ASPM: variants seen among roughly 807,000 people sequenced by gnomAD.
ASPM encodes abnormal spindle-like microcephaly-associated protein.
A neutral mutation model predicts 366.4 loss-of-function variants in ASPM; 256 were observed. That is an observed-to-expected ratio of 0.70 (90% CI 0.63 to 0.77). The LOEUF (loss-of-function observed/expected upper bound fraction) is 0.77, where lower values mean the gene tolerates loss of function less well. Ranked by LOEUF, ASPM falls within the 30% of genes least tolerant of loss-of-function variation. ASPM has a pLI of 0.00. For synonymous variants in ASPM, 1,414 were observed against 1,342.9 expected (o/e 1.05, Z -1.16); for missense variants, 4,146 against 4,090.4 (o/e 1.01, Z -0.37).
chr1:197,139,078 C>A, intron 4 of ASPM: 1 of 749,134 alleles, frequency 1.3e-6, no homozygotes, highest in Non-Finnish European at 2.4e-6. Flanking sequence ...ATCTGTAAAG[C>A]CCATTTTCTG....
chr1:197,134,747 G>T (rs1658366471), intron 5 of ASPM, among the ~76,000 whole-genome samples: 1 of 152,170 alleles, frequency 6.6e-6, no homozygotes, highest in Admixed American at 6.6e-5. Flanking sequence ...ATATGAATTG[G>T]TGTTTAGTTT....
rs1188227405 is a variant in ASPM, at chr1:197,128,553, A to G, written c.2873T>C (p.Phe958Ser). Reference protein sequence around the residue: ...GLPVNHVQTPFDEFDFAVTNL... With the variant: ...GLPVNHVQTPSDEFDFAVTNL... ...TGTAACGGCAAAATCAAATTCATCA[A>G]ATGGTGTCTGAACATGGTTAACAGG... The change falls in exon 10 of 28, where the codon TTT becomes TCT. Residue 958 changes from phenylalanine to serine, a missense_variant. Physicochemically the swap from Phe to Ser is radical, Grantham distance 155. Coordinates refer to ENST00000367409, the MANE Select transcript of ASPM (RefSeq NM_018136.5). 2 of 1,613,792 alleles carry G rather than the reference A, an allele frequency of 1.2e-6. No homozygotes were observed. Among genetic ancestry groups the G allele is most frequent in the East Asian group, 2.2e-5 (1 of 44,884 alleles).
rs2125087995 is a variant in ASPM at position 197,090,179 on chromosome 1, T to C, written c.9829+17A>G. On this transcript the variant is annotated intron_variant, in intron 24 of 27. Transcript: ENST00000367409. ...GTAGTATTACATCATTCTTTAAACA[T>C]GTTAACACAAACTAACCTAGGTGTT... The C allele has an allele frequency of 6.2e-7, 1 of 1,613,000 alleles. No individual in the cohort carries two copies. Among genetic ancestry groups the C allele is most frequent in the Non-Finnish European group, 8.5e-7 (1 of 1,179,254 alleles).
rs148338547 is a variant in ASPM at position 197,143,540 on chromosome 1, G to A, written c.712C>T (p.Pro238Ser). Residue 238 changes from proline to serine, a missense_variant, in exon 3 of 28, where the codon CCA (proline) becomes TCA (serine). Coordinates refer to ENST00000367409, the MANE Select transcript of ASPM (RefSeq NM_018136.5). ...GTAGTAGATCGACGTACAGAGAGTG[G>A]CAAGCAAGTTGCACCATGGCATTCA... is the stretch of plus-strand genomic sequence containing the variant. ...FNECHGATCLPLSVRRSTTYS... is the reference protein window; with the variant it reads ...FNECHGATCLSLSVRRSTTYS... The A allele has an allele frequency of 7.0e-5, 113 of 1,613,812 alleles. No individual in the cohort carries two copies. Among genetic ancestry groups the A allele is most frequent in the Middle Eastern group, 4.9e-4 (3 of 6,062 alleles).
In ASPM at chr1:197,122,156, T is replaced by C. The variant is rs138558822; in HGVS notation, c.3741+3A>G. The C allele has an allele frequency of 1.1e-3, 1,763 of 1,607,948 alleles. 24 individuals are homozygous for C. In the African/African-American group the frequency reaches 0.021, roughly 19 times the overall value. Reference sequence around the variant, plus strand: ...AATAATTAGAAACTCTTCTTTTACTTACCTTTTCATCTGGAATTGTATTTG... The same window carrying C: ...AATAATTAGAAACTCTTCTTTTACTCACCTTTTCATCTGGAATTGTATTTG... On this transcript the variant is annotated splice_donor_region_variant and intron_variant, in intron 15 of 27. Transcript: ENST00000367409.
intron 15 of ASPM, 30 bp from the exon 16 acceptor site, chr1:197,122,073 G>A: frequency 6.2e-7 from 1 of 1,606,738 alleles, no homozygotes; most frequent in Non-Finnish European, 8.5e-7. Context: ...GATAAAAACA[G>A]AATATCAACA....
intron 3 of ASPM, 151 bp downstream of exon 3, chr1:197,142,180 T>C: frequency 1.2e-6 from 1 of 803,582 alleles, no homozygotes; most frequent in Non-Finnish European, 2.0e-6. Flanking sequence ...ATACAAGATG[T>C]CACATAAGCT....
Position 197,122,463 on chromosome 1 carries a change from C to A in ASPM, c.3523G>T (p.Gly1175Cys), listed in dbSNP as rs770963764. ...GATGATGAATTTAATACCACTGAAC[C>A]AGTTTGCGTACATTCCACAGTTTGA... Reference protein sequence around the residue: ...TTQTVECTQTGSVVLNSSSES... With the variant: ...TTQTVECTQTCSVVLNSSSES... Residue 1175 changes from glycine to cysteine, a missense_variant, in exon 14 of 28, where the codon GGT (glycine) becomes TGT (cysteine). Physicochemically the swap from Gly to Cys is radical, Grantham distance 159 (BLOSUM62 -3). Transcript: ENST00000367409. The A allele has an allele frequency of 1.2e-6, 2 of 1,613,796 alleles. No homozygotes were observed. Among genetic ancestry groups the A allele is most frequent in the African/African-American group, 1.3e-5 (1 of 75,024 alleles).
In ASPM at chr1:197,146,409, C is replaced by A. The variant is rs758798654; in HGVS notation, c.29G>T (p.Cys10Phe). The part of the protein sequence containing the change: MANRRVGRG[C>F]WEVSPTERRP... ...CCGCTCGGTCGGGCTCACTTCCCAG[C>A]AGCCTCGCCCCACTCGCCGGTTCGC... The change falls in exon 1 of 28, where the codon TGC (cysteine) becomes TTC (phenylalanine). Residue 10 changes from cysteine to phenylalanine, a missense_variant. Cys to Phe is a radical substitution (Grantham distance 205). Coordinates refer to ENST00000367409, the MANE Select transcript of ASPM (RefSeq NM_018136.5). The A allele has an allele frequency of 1.9e-6, 3 of 1,609,416 alleles. No homozygotes were observed. The highest frequency in any genetic ancestry group is 2.5e-6 in the Non-Finnish European group (3 of 1,179,506).
At chr1:197,105,801 A>C (rs1657390671) in intron 17 of ASPM, among the ~76,000 whole-genome samples, 1 of 152,024 alleles carries the variant, frequency 6.6e-6, no homozygotes, top group Admixed American at 6.6e-5. Context: ...AGAAATGACA[A>C]AACTTTTGTC....
chr1:197,103,547 A>T lies in ASPM; in HGVS notation c.5704T>A (p.Leu1902Met). ...ATTCTAAAAGCAGACTGAATCTTCA[A>T]GGCAGCTTGATGTTCCCTTCTAATC... is the stretch of plus-strand genomic sequence containing the variant. ...KQIRREHQAA[L>M]KIQSAFRMAK... The change falls in exon 18 of 28, where the codon TTG (leucine) becomes ATG (methionine). Residue 1902 changes from leucine to methionine, a missense_variant. By Grantham distance (15) the Leu-to-Met change is conservative. Transcript: ENST00000367409. 1 of 1,613,142 alleles carries T rather than the reference A, an allele frequency of 6.2e-7. No homozygotes were observed. The highest frequency in any genetic ancestry group is 1.1e-5 in the South Asian group (1 of 91,070).
rs756209940 is a variant in ASPM at position 197,104,599 on chromosome 1, A to G, written c.4652T>C (p.Leu1551Pro). The G allele has an allele frequency of 6.2e-7, 1 of 1,612,952 alleles. No individual in the cohort carries two copies. The highest frequency in any genetic ancestry group is 8.5e-7 in the Non-Finnish European group (1 of 1,179,410). ...TTGTCTACATAAATTATGAGCTTTC[A>G]GTCTCCTAAAAGCAGCTTGTAATTG... Reference protein sequence around the residue: ...AIQLQAAFRRLKAHNLCRQIR... With the variant: ...AIQLQAAFRRPKAHNLCRQIR... The change falls in exon 18 of 28, where the codon CTG becomes CCG. Residue 1551 changes from leucine (L) to proline (P), a missense_variant. Leu to Pro is a moderately conservative substitution (Grantham distance 98). Around this residue, in one of 3 missense-constraint regions of ASPM, gnomAD observed 3,624 missense variants for 3,591.7 expected, o/e 1.01. Transcript: ENST00000367409.
At chr1:197,096,298 CTT>C in intron 18 of ASPM, 134 bp from the exon 19 acceptor site, 3 of 757,690 alleles carry the variant, frequency 4.0e-6, no homozygotes, top group African/African-American at 1.7e-5. Context: ...TATCATGACT[CTT>C]TTAGACTTTG....
chr1:197,143,331 G>C lies in ASPM; in HGVS notation c.921C>G (p.Asn307Lys). 5 of 1,613,946 alleles carry C rather than the reference G, an allele frequency of 3.1e-6. No individual in the cohort carries two copies. The highest frequency in any genetic ancestry group is 4.2e-6 in the Non-Finnish European group (5 of 1,179,818). ...SLTPNCSSTL[N>K]ITQSQIHFLS... The stretch of plus-strand genomic sequence containing the variant: ...GAAAATGTATTTGGCTTTGTGTAAT[G>C]TTCAAAGTTGAAGAACAGTTGGGGG... Residue 307 changes from asparagine to lysine, a missense_variant, in exon 3 of 28, where the codon AAC becomes AAG. Coordinates refer to ENST00000367409, the MANE Select transcript of ASPM (RefSeq NM_018136.5).
chr1:197,139,740 G>A, intron 4 of ASPM, 27 bp downstream of exon 4: 1 of 1,485,052 alleles, frequency 6.7e-7, no homozygotes, highest in Non-Finnish European at 9.4e-7. Context: ...CATGTTTTCA[G>A]AGAGTTTAAG....
Position 197,103,468 on chromosome 1 carries a change from T to C in ASPM, c.5783A>G (p.Gln1928Arg), listed in dbSNP as rs1657276093. The C allele has an allele frequency of 1.2e-6, 2 of 1,613,274 alleles. No homozygotes were observed. The highest frequency in any genetic ancestry group is 1.7e-6 in the Non-Finnish European group (2 of 1,179,566). ...RLFKTAALVI[Q>R]QNFRAWTAGR... ...TGCAGTCCATGCTCTGAAATTTTGCTGGATGACTAATGCTGCTGTTTTAAA... is the reference window on the plus strand; with the variant it reads ...TGCAGTCCATGCTCTGAAATTTTGCCGGATGACTAATGCTGCTGTTTTAAA... Residue 1928 changes from glutamine to arginine, a missense_variant, in exon 18 of 28, where the codon CAG (glutamine) becomes CGG (arginine). Transcript: ENST00000367409.
chr1:197,088,511 C>T, intron 25 of ASPM, 79 bp from the exon 26 acceptor site: 1 of 1,419,912 alleles, frequency 7.0e-7, no homozygotes, highest in South Asian at 1.2e-5. Flanking sequence ...AAACAAAATA[C>T]AAAAGTCCAT....
Position 197,128,604 on chromosome 1 carries a change from G to T in ASPM, c.2822C>A (p.Ser941Tyr). Reference sequence around the variant, plus strand: ...TAATCCCAATAAGCCAAGGTGACGGGAAAGGTCACCTTCACCACTTAGGAA... The same window carrying T: ...TAATCCCAATAAGCCAAGGTGACGGTAAAGGTCACCTTCACCACTTAGGAA... ...RDFLSGEGDLSRHLGLLGLPV... is the reference protein window; with the variant it reads ...RDFLSGEGDLYRHLGLLGLPV... The change falls in exon 10 of 28, where the codon TCC (serine) becomes TAC (tyrosine). Residue 941 changes from serine to tyrosine, a missense_variant. Ser to Tyr is a moderately radical substitution (Grantham distance 144). Coordinates refer to ENST00000367409, the MANE Select transcript of ASPM (RefSeq NM_018136.5). 6.2e-7 allele frequency: 1 copy of T among 1,613,416 alleles called. No individual in the cohort carries two copies. The highest frequency in any genetic ancestry group is 8.5e-7 in the Non-Finnish European group (1 of 1,179,460).
rs746746818 is a variant in ASPM at position 197,100,976 on chromosome 1, T to C, written c.8275A>G (p.Lys2759Glu). 8.7e-6 allele frequency: 14 copies of C among 1,612,506 alleles called. No homozygotes were observed. The highest frequency in any genetic ancestry group is 4.0e-5 in the African/African-American group (3 of 74,806). Residue 2759 changes from lysine to glutamate, a missense_variant, in exon 18 of 28, where the codon AAA becomes GAA. By Grantham distance (56) the Lys-to-Glu change is moderately conservative (BLOSUM62 1). Around this residue, in one of 3 missense-constraint regions of ASPM, gnomAD observed 3,624 missense variants for 3,591.7 expected, o/e 1.01. Coordinates refer to ENST00000367409, the MANE Select transcript of ASPM (RefSeq NM_018136.5). ...GCCATCTTTTCCTCTGATACATTTT[T>C]CAATTTTTGTCTAACTTTCATGCCT... ...FRGMKVRQKL[K>E]NVSEEKMAAI... is the part of the protein sequence containing the mutation.
Sources: gnomAD v4.1 joint callset for allele counts (sites outside exome capture counted in the v4.1 genomes callset) on GRCh38, gnomAD v4.1.1 for gene constraint, gnomAD v4.1.1 regional missense constraint, MANE v1.5 for transcripts, NCBI Gene and HGNC (gene_info 2026-07-23, HGNC 2026-07-21) for gene names.